Variants in MGAM observed in about 807,000 individuals in gnomAD.
The protein encoded by MGAM is maltase-glucoamylase.
MGAM carries 253 observed loss-of-function variants against 358.8 expected under a neutral mutation model. That is an observed-to-expected ratio of 0.71 (90% CI 0.64 to 0.78). MGAM has a LOEUF of 0.78. MGAM is among the 30% of genes least tolerant of loss of function. The pLI, the probability that MGAM is intolerant of heterozygous loss-of-function variation, is 0.00. For synonymous variants in MGAM, 1,105 were observed against 1,227.1 expected, an observed-to-expected ratio of 0.90 and a Z score of 2.08; for missense variants, 3,080 against 3,432.6, an observed-to-expected ratio of 0.90 and a Z score of 2.57.
intron 37 of MGAM, 87 bp from the exon 38 acceptor site, chr7:142,065,248 T>G: frequency 6.5e-7 from 1 of 1,531,808 alleles, no homozygotes; most frequent in Non-Finnish European, 8.8e-7. Context: ...AAACATTGAC[T>G]AGGCTCAAGG....
chr7:142,060,455 A>G (rs1411559052), intron 34 of MGAM, 82 bp downstream of exon 34: 3 of 1,509,474 alleles, frequency 2.0e-6, no homozygotes, highest in Non-Finnish European at 2.8e-6. Context: ...ACATGCCTGT[A>G]CCGTGGACAT....
rs1554462945 is a variant in MGAM, at chr7:142,030,509, T to C, written c.1353+16T>C. On this transcript the variant is annotated intron_variant, in intron 11 of 70. Transcript: ENST00000475668. Reference sequence around the variant, plus strand: ...CATCATTGTGGTATGTACTGCCCTCTTTCCACCAAATTAGGTATTTGCTCC... The same window carrying C: ...CATCATTGTGGTATGTACTGCCCTCCTTCCACCAAATTAGGTATTTGCTCC... The C allele has an allele frequency of 6.2e-7, 1 of 1,613,346 alleles. No homozygotes were observed. The highest frequency in any genetic ancestry group is 1.1e-5 in the South Asian group (1 of 91,028).
At chr7:142,054,495 A>G (rs1240405407) in intron 26 of MGAM, among the ~76,000 whole-genome samples, 2 of 152,144 alleles carry the variant, frequency 1.3e-5, no homozygotes, top group East Asian at 3.9e-4. Flanking sequence ...TAAATACCAC[A>G]CTGATTCCAG....
rs782384433 is a variant in MGAM at position 142,030,682 on chromosome 7, T to C, written c.1395T>C (p.Tyr465=). ...ACAACTCTTCCTCAAGTAAACCCTA[T>C]GGCCCATATGACAGGGGTTCAGATA... ...ISNNSSSSKP[Y]GPYDRGSDMK... is the part of the protein sequence containing the mutation. Residue 465 remains tyrosine, a synonymous_variant, in exon 12 of 71, where the codon TAT becomes TAC. Coordinates refer to ENST00000475668, the MANE Select transcript of MGAM (RefSeq NM_001365693.1). 4 of 1,613,302 alleles carry C rather than the reference T, an allele frequency of 2.5e-6. No homozygotes were observed. Among genetic ancestry groups the C allele is most frequent in the South Asian group, 1.1e-5 (1 of 91,064 alleles).
In MGAM at chr7:142,076,969, G is replaced by A. The variant is rs1813803641; in HGVS notation, c.5493+143G>A. The A allele has an allele frequency of 4.2e-6, 4 of 952,126 alleles. 1 individual carries two copies. Among genetic ancestry groups the A allele is most frequent in the South Asian group, 1.6e-5 (1 of 64,164 alleles). 59.0% of individuals were successfully genotyped at this position (952,126 alleles called of 1,614,324 possible). On this transcript the variant is annotated intron_variant, in intron 47 of 70. Transcript: ENST00000475668. Reference sequence around the variant, plus strand: ...GGGGAATTGAGAGGGCACCTTTGATGCCTTTTTTGGGGAAAAAAATGAGGT... The same window carrying A: ...GGGGAATTGAGAGGGCACCTTTGATACCTTTTTTGGGGAAAAAAATGAGGT...
In MGAM at chr7:142,078,449, T is replaced by A; in HGVS notation, c.5625T>A (p.Thr1875=). The change falls in exon 48 of 71, where the codon ACT becomes ACA. Residue 1875 remains threonine, a synonymous_variant. Transcript: ENST00000475668. ...DENGDSAENC[T]ARGCIWEASN... ...ATGGTGATTCTGCAGAAAACTGCAC[T>A]GCCCGTGGCTGTATCTGGGAGGTAA... The A allele has an allele frequency of 2.6e-6, 4 of 1,544,746 alleles. 2 individuals carry two copies. Among genetic ancestry groups the A allele is most frequent in the Non-Finnish European group, 3.6e-6 (4 of 1,126,720 alleles).
intron 45 of MGAM, among the ~76,000 whole-genome samples, chr7:142,075,736 A>G (rs1813680734): frequency 6.8e-6 from 1 of 146,114 alleles, no homozygotes; most frequent in Admixed American, 6.9e-5. Flanking sequence ...TCACAGCGAG[A>G]TGTCACCTCA....
intron 63 of MGAM, 42 bp from the exon 64 acceptor site, chr7:142,095,523 A>G (rs1280889489): frequency 3.1e-6 from 5 of 1,611,166 alleles, no homozygotes; most frequent in East Asian, 4.5e-5. Context: ...TCCCCTAGAA[A>G]TTCCAGGGCA....
chr7:142,091,213 C>T (rs1815354776), intron 57 of MGAM, among the ~76,000 whole-genome samples: 1 of 139,474 alleles, frequency 7.2e-6, no homozygotes, highest in Admixed American at 7.4e-5. Flanking sequence ...CACCACTGCA[C>T]TCTAGCCTGG....
At chr7:142,080,676 TAAAG>T (rs1472024100) in intron 49 of MGAM, 111 bp from the exon 50 acceptor site, 3 of 971,578 alleles carry the variant, frequency 3.1e-6, no homozygotes, top group Non-Finnish European at 4.5e-6. Flanking sequence ...ATCATAAACT[TAAAG>T]AAGACAGAAA....
chr7:142,038,651 G>T (rs1249287521), intron 19 of MGAM, 36 bp downstream of exon 19: 9 of 1,485,470 alleles, frequency 6.1e-6, no homozygotes, highest in African/African-American at 1.4e-5. Context: ...AGAGATCTCT[G>T]CATCTGTATC....
intron 3 of MGAM, among the ~76,000 whole-genome samples, chr7:142,012,820 G>T (rs1805695110): frequency 6.6e-6 from 1 of 152,114 alleles, no homozygotes. Flanking sequence ...GGTGAAAATG[G>T]TGGTAAGACT....
chr7:142,066,765 T>C, intron 41 of MGAM, 44 bp downstream of exon 41: 2 of 1,529,210 alleles, frequency 1.3e-6, no homozygotes, highest in Non-Finnish European at 1.8e-6. Flanking sequence ...GATGACTTAT[T>C]GCATTCTATG....
intron 61 of MGAM, 33 bp from the exon 62 acceptor site, chr7:142,094,587 C>A (rs1815717138): frequency 6.3e-7 from 1 of 1,578,616 alleles, no homozygotes; most frequent in Non-Finnish European, 8.7e-7. Context: ...TGAGAGCGAG[C>A]CTGGTGTGAC....
intron 5 of MGAM, 55 bp downstream of exon 5, chr7:142,021,138 C>A: frequency 7.9e-7 from 1 of 1,267,624 alleles, no homozygotes; most frequent in East Asian, 2.4e-5. Flanking sequence ...TATTCCCTAT[C>A]GGATGAGTGC....
Position 142,056,115 on chromosome 7 carries a change from C to A in MGAM, c.3580+19C>A. Reference sequence around the variant, plus strand: ...GCCATGGGTAAGGCCATCAGCACCTCCCTTATTTTGGGGGGATACCAATCA... The same window carrying A: ...GCCATGGGTAAGGCCATCAGCACCTACCTTATTTTGGGGGGATACCAATCA... On this transcript the variant is annotated intron_variant, in intron 29 of 70. Transcript: ENST00000475668. The A allele has an allele frequency of 6.3e-7, 1 of 1,581,730 alleles. No individual in the cohort carries two copies. The highest frequency in any genetic ancestry group is 8.6e-7 in the Non-Finnish European group (1 of 1,162,516).
At chr7:141,994,373 G>C (rs930235505), upstream of MGAM, among the ~76,000 whole-genome samples, 1 of 152,168 alleles carries the variant, frequency 6.6e-6, no homozygotes, top group Non-Finnish European at 1.5e-5. Flanking sequence ...GCTAAGGTTT[G>C]TAAAGGGTAC....
chr7:142,057,117 C>A (rs1811628454), intron 30 of MGAM, among the ~76,000 whole-genome samples, 175 bp downstream of exon 30: 1 of 152,154 alleles, frequency 6.6e-6, no homozygotes, highest in African/African-American at 2.4e-5. Flanking sequence ...TTTATAGCCT[C>A]TGTAAGCATT....
At chr7:142,055,454 C>T (rs1396915219) in intron 27 of MGAM, 104 bp from the exon 28 acceptor site, 2 of 1,409,164 alleles carry the variant, frequency 1.4e-6, no homozygotes, top group Non-Finnish European at 2.0e-6. Context: ...ATATGAACAG[C>T]TTCTTGGTAG....
Sources: gnomAD v4.1 joint callset for allele counts (sites outside exome capture counted in the v4.1 genomes callset) on GRCh38, gnomAD v4.1.1 for gene constraint, MANE v1.5 for transcripts, NCBI Gene and HGNC (gene_info 2026-07-23, HGNC 2026-07-21) for gene names.